Variants in METTL13 observed in about 807,000 individuals in gnomAD.
METTL13 encodes the protein methyltransferase 13, eEF1A N-terminus and K55.
METTL13 carries 52 observed loss-of-function variants against 67.4 expected under a neutral mutation model. That is an observed-to-expected ratio of 0.77 (90% CI 0.62 to 0.97). METTL13 has a LOEUF of 0.97. Among genes scored for constraint, METTL13 ranks in the 50% least tolerant of loss-of-function variants. METTL13 has a pLI of 0.00. For missense variants in METTL13, 825 were observed against 889.6 expected (o/e 0.93, Z 0.92); for synonymous variants, 354 against 353.6 (o/e 1.00, Z -0.01).
intron 6 of METTL13, among the ~76,000 whole-genome samples, chr1:171,793,268 T>G (rs893554911): frequency 6.6e-6 from 1 of 152,250 alleles, no homozygotes. Context: ...GTAGGTTCCC[T>G]CTCTGAGGCT....
At position 171,783,906 on chromosome 1, in the gene METTL13, A is replaced by T. The variant is rs764377663; in HGVS notation, c.320A>T (p.Gln107Leu). 1.2e-6 allele frequency: 2 copies of T among 1,614,242 alleles called. No individual in the cohort carries two copies. The highest frequency in any genetic ancestry group is 1.7e-6 in the Non-Finnish European group (2 of 1,180,038). ...AGCTTCTTGAAGATGGACATGACGC[A>T]GATGGAGTTTCCTGATGCCTCGTTC... ...QMSFLKMDMTQMEFPDASFQV... is the reference protein window; with the variant it reads ...QMSFLKMDMTLMEFPDASFQV... Residue 107 changes from glutamine (Q) to leucine (L), a missense_variant, in exon 2 of 8, where the codon CAG (glutamine) becomes CTG (leucine). By Grantham distance (113) the Gln-to-Leu change is moderately radical. Transcript: ENST00000361735.
intron 7 of METTL13, among the ~76,000 whole-genome samples, chr1:171,796,206 AT>A (rs1375095158): frequency 6.6e-6 from 1 of 152,148 alleles, no homozygotes; most frequent in African/African-American, 2.4e-5. Flanking sequence ...TTGAGAAGCT[AT>A]TTGGGAAACT....
chr1:171,790,521 C>T lies in METTL13; in HGVS notation c.1379C>T (p.Pro460Leu), dbSNP rs144305462. 11 of 1,612,406 alleles carry T rather than the reference C, an allele frequency of 6.8e-6. No individual in the cohort carries two copies. Among genetic ancestry groups the T allele is most frequent in the East Asian group, 2.2e-5 (1 of 44,760 alleles). ...GATGCGGAGGACCTCCCTGCAGCCCCGGGGCAGTCCATTGATAAGAGTTAC... is the reference window on the plus strand; with the variant it reads ...GATGCGGAGGACCTCCCTGCAGCCCTGGGGCAGTCCATTGATAAGAGTTAC... The part of the protein sequence containing the change: ...PADAEDLPAA[P>L]GQSIDKSYLC... The change falls in exon 5 of 8, where the codon CCG (proline) becomes CTG (leucine). Residue 460 changes from proline to leucine, a missense_variant. Coordinates refer to ENST00000361735, the MANE Select transcript of METTL13 (RefSeq NM_015935.5).
At chr1:171,795,974 CT>C (rs1215087347) in intron 7 of METTL13, among the ~76,000 whole-genome samples, 8 of 152,178 alleles carry the variant, frequency 5.3e-5, no homozygotes, top group African/African-American at 1.9e-4. Flanking sequence ...CCACTAGCAG[CT>C]CCTGCCTCAG....
intron 6 of METTL13, among the ~76,000 whole-genome samples, chr1:171,792,947 AG>A (rs1657255121): frequency 6.6e-6 from 1 of 152,222 alleles, no homozygotes; most frequent in South Asian, 2.1e-4. Flanking sequence ...TTTGCATCCC[AG>A]ATTTAGGACA....
In METTL13 at chr1:171,787,716, T is replaced by TCTCTG. The variant is rs1386342680; in HGVS notation, c.1114-18_1114-14dup. On this transcript the variant is annotated intron_variant, in intron 3 of 7. Transcript: ENST00000361735. The stretch of plus-strand genomic sequence containing the variant: ...TAAATGAGCTGCTGTTTTGACCACA[T>TCTCTG]CTCTGGTTGTACCTTCAGGTCCCCT... 1 of 1,605,708 alleles carries TCTCTG rather than the reference T, an allele frequency of 6.2e-7. No homozygotes were observed. The highest frequency in any genetic ancestry group is 1.3e-5 in the African/African-American group (1 of 74,760).
At chr1:171,784,529 G>A (rs952015065) in intron 2 of METTL13, 30 bp downstream of exon 2, 3 of 1,479,652 alleles carry the variant, frequency 2.0e-6, no homozygotes, top group Admixed American at 2.6e-5. Flanking sequence ...TCTCTTCCCT[G>A]GAGGGGCTGG....
Position 171,784,028 on chromosome 1 carries a change from C to A in METTL13, c.442C>A (p.Arg148Ser). Residue 148 changes from arginine (R) to serine (S), a missense_variant, in exon 2 of 8, where the codon CGT (arginine) becomes AGT (serine). By Grantham distance (110) the Arg-to-Ser change is moderately radical. Transcript: ENST00000361735. ...GGACAGGATGCTGGCTGAGGTTGGC[C>A]GTGTCCTGCAGGTGGGCGGTCGCTA... is the stretch of plus-strand genomic sequence containing the variant. ...QVDRMLAEVG[R>S]VLQVGGRYLC... 1 of 1,614,174 alleles carries A rather than the reference C, an allele frequency of 6.2e-7. No homozygotes were observed.
intron 2 of METTL13, among the ~76,000 whole-genome samples, chr1:171,785,261 T>C (rs139438619): frequency 1.2e-3 from 179 of 152,360 alleles, no homozygotes; most frequent in African/African-American, 4.0e-3. Flanking sequence ...TGGAACATTG[T>C]AGACAAATGC....
Position 171,781,721 on chromosome 1 carries a change from T to G in METTL13, c.-247T>G, listed in dbSNP as rs1336129627. 3 of 1,250,516 alleles carry G rather than the reference T, an allele frequency of 2.4e-6. No individual in the cohort carries two copies. Among genetic ancestry groups the G allele is most frequent in the Non-Finnish European group, 3.1e-6 (3 of 972,818 alleles). The allele number at this position is 1,250,516 out of a possible 1,614,324, so 77.5% of individuals were successfully genotyped here. On this transcript the variant is annotated 5_prime_UTR_variant, in exon 1 of 8. Transcript: ENST00000361735. ...GGAAAAGTGTGAGGGGCTCTTCACG[T>G]GGGGAAGGAACAGCAGGCGCGGAGG...
In METTL13 at chr1:171,784,379, C is replaced by A; in HGVS notation, c.793C>A (p.Leu265Met). 6.4e-7 allele frequency: 1 copy of A among 1,569,336 alleles called. No homozygotes were observed. The highest frequency in any genetic ancestry group is 8.6e-7 in the Non-Finnish European group (1 of 1,157,614). ...LCSQLRRKAR[L>M]GSVSLDLCDG... is the part of the protein sequence containing the mutation. ...CAGCCAGCTGCGCCGCAAGGCCAGG[C>A]TGGGGAGTGTGTCTCTGGACTTGTG... Residue 265 changes from leucine to methionine, a missense_variant, in exon 2 of 8, where the codon CTG (leucine) becomes ATG (methionine). Physicochemically the swap from Leu to Met is conservative, Grantham distance 15 (BLOSUM62 2). Transcript: ENST00000361735.
Position 171,796,841 on chromosome 1 carries a change from T to A in METTL13, c.*85T>A. 3 of 1,502,010 alleles carry A rather than the reference T, an allele frequency of 2.0e-6. No individual in the cohort carries two copies. The highest frequency in any genetic ancestry group is 2.7e-6 in the Non-Finnish European group (3 of 1,120,532). The allele number at this position is 1,502,010 out of a possible 1,614,324, so 93.0% of individuals were successfully genotyped here. Reference sequence around the variant, plus strand: ...AATGAAGAAATACAACGCACAGTACTTTTGAAGCTTCGTATTTTTCTTGGT... The same window carrying A: ...AATGAAGAAATACAACGCACAGTACATTTGAAGCTTCGTATTTTTCTTGGT... On this transcript the variant is annotated 3_prime_UTR_variant, in exon 8 of 8. Transcript: ENST00000361735.
intron 6 of METTL13, among the ~76,000 whole-genome samples, chr1:171,793,685 TA>T (rs1657277726): frequency 1.3e-5 from 2 of 152,264 alleles, no homozygotes; most frequent in Non-Finnish European, 2.9e-5. Context: ...AACATTATAG[TA>T]AGGAGCAGAT....
chr1:171,792,667 C>T (rs1046273981), intron 6 of METTL13, among the ~76,000 whole-genome samples: 3 of 152,206 alleles, frequency 2.0e-5, no homozygotes, highest in African/African-American at 7.2e-5. Context: ...CAGTGGTATA[C>T]AACCTCAGGG....
chr1:171,791,986 G>A (rs202095238), intron 5 of METTL13, 31 bp from the exon 6 acceptor site: 1 of 1,609,824 alleles, frequency 6.2e-7, no homozygotes, highest in East Asian at 2.2e-5. Flanking sequence ...GTGAACAGGT[G>A]GCAATGTGAT....
intron 3 of METTL13, among the ~76,000 whole-genome samples, chr1:171,786,871 C>G (rs551163002): frequency 6.6e-6 from 1 of 151,934 alleles, no homozygotes; most frequent in Non-Finnish European, 1.5e-5. Flanking sequence ...CAGGGTCTCC[C>G]TATGTTGCCC....
rs1657063837 is a variant in METTL13, at chr1:171,787,670, GTTATAATTTCTC to G, written c.1114-60_1114-49del. The G allele has an allele frequency of 9.6e-6, 14 of 1,458,246 alleles. No homozygotes were observed. In the Admixed American group the frequency reaches 2.7e-4, roughly 29 times the overall value. The allele number at this position is 1,458,246 out of a possible 1,614,324, so 90.3% of individuals were successfully genotyped here. On this transcript the variant is annotated intron_variant, in intron 3 of 7. Coordinates refer to ENST00000361735, the MANE Select transcript of METTL13 (RefSeq NM_015935.5). ...GATATATACACACAAAAGGGAAGGG[GTTATAATTTCTC>G]TTATTTCTTAAATGAGCTGCTGTTT... is the stretch of plus-strand genomic sequence containing the variant.
At chr1:171,786,724 G>A (rs958058785) in intron 3 of METTL13, among the ~76,000 whole-genome samples, 5 of 152,062 alleles carry the variant, frequency 3.3e-5, no homozygotes, top group Non-Finnish European at 7.4e-5. Context: ...TCAGTGGTGT[G>A]ATCACGGCTC....
Position 171,786,290 on chromosome 1 carries a change from G to A in METTL13, c.1113+212G>A, listed in dbSNP as rs114105880. 5.2e-3 allele frequency among the ~76,000 whole-genome samples: 798 copies of A among 152,276 alleles called. 11 individuals carry two copies. The highest frequency in any genetic ancestry group is 0.019 in the African/African-American group (771 of 41,538). On this transcript the variant is annotated intron_variant, in intron 3 of 7. Coordinates refer to ENST00000361735, the MANE Select transcript of METTL13 (RefSeq NM_015935.5). Reference sequence around the variant, plus strand: ...TGAGCACAGTAGCGTCTGTGTCTGGGGGAGCCTCTCAGAGTCCATAGACAT... The same window carrying A: ...TGAGCACAGTAGCGTCTGTGTCTGGAGGAGCCTCTCAGAGTCCATAGACAT...
Sources: allele counts gnomAD v4.1 joint callset (sites outside exome capture counted in the v4.1 genomes callset), GRCh38; gene constraint gnomAD v4.1.1; transcripts MANE v1.5; gene names NCBI Gene and HGNC (gene_info 2026-07-23, HGNC 2026-07-21).